PIEZO2: variants seen among roughly 807,000 people sequenced by gnomAD.
PIEZO2 encodes piezo type mechanosensitive ion channel component 2, also known as piezo-type mechanosensitive ion channel component 2.
PIEZO2 carries 172 observed loss-of-function variants against 337.3 expected under a neutral mutation model. The observed-to-expected ratio is 0.51, with a 90% CI of 0.45 to 0.58. The LOEUF (loss-of-function observed/expected upper bound fraction) is 0.58. PIEZO2 is among the 20% of genes least tolerant of loss of function. The pLI is 0.00. For synonymous variants in PIEZO2, 1,251 were observed against 1,228.5 expected (o/e 1.02, Z -0.38); for missense variants, 3,028 against 3,391.3 (o/e 0.89, Z 2.66).
In PIEZO2 at chr18:10,726,433, G is replaced by A. The variant is rs1448204119; in HGVS notation, c.5029+4974C>T. ...TGGCACAACGCGGAGGGCCGGCTGC[G>A]GTACGGGCTACGGCCGGCGAACCCC... On this transcript the variant is annotated intron_variant, in intron 36 of 55. Transcript: ENST00000674853. This position sits in a 1 kb window ranked among gnomAD's most constrained non-coding sequence, Gnocchi z 5.9. 1.5e-5 allele frequency: 23 copies of A among 1,530,274 alleles called. No homozygotes were observed. In the East Asian group the frequency reaches 5.1e-4, roughly 34 times the overall value. The allele number at this position is 1,530,274 out of a possible 1,614,324, so 94.8% of individuals were successfully genotyped here. A position where few individuals can be genotyped will look rare whatever the true frequency, so the allele number is the denominator to read the frequency against.
At chr18:10,914,080 C>G (rs188701427) in intron 3 of PIEZO2, among the ~76,000 whole-genome samples, 1 of 152,202 alleles carries the variant, frequency 6.6e-6, no homozygotes, top group African/African-American at 2.4e-5. Context: ...TTCTGGCAGC[C>G]CATTATTCAG....
At chr18:10,860,745 A>G (rs58308307) in intron 5 of PIEZO2, among the ~76,000 whole-genome samples, 45,447 of 152,150 alleles carry the variant, frequency 0.3, 6,952 homozygotes, top group African/African-American at 0.38. Context: ...ATGTGTTCTT[A>G]TTCAATTATA....
chr18:10,849,289 G>A (rs1454610337), intron 7 of PIEZO2, among the ~76,000 whole-genome samples: 1 of 152,206 alleles, frequency 6.6e-6, no homozygotes, highest in Non-Finnish European at 1.5e-5. Flanking sequence ...TGAGATTACA[G>A]GCTTGGGCCA....
intron 36 of PIEZO2, among the ~76,000 whole-genome samples, chr18:10,718,588 T>C (rs2036111791): frequency 6.6e-6 from 1 of 152,252 alleles, no homozygotes; most frequent in South Asian, 2.1e-4. Flanking sequence ...GAATAGTATT[T>C]GGTGCATGTG....
rs902694651 is a variant in PIEZO2 at position 10,775,703 on chromosome 18, A to T, written c.2535-1665T>A. 1.3e-5 allele frequency among the ~76,000 whole-genome samples: 2 copies of T among 152,220 alleles called. No individual in the cohort carries two copies. The highest frequency in any genetic ancestry group is 4.8e-5 in the African/African-American group (2 of 41,458). ...TGCATTGAGGAGAGATCGTTCAATG[A>T]AAGAATCAGAGGAAGACACTGGAGT... On this transcript the variant is annotated intron_variant, in intron 18 of 55. Transcript: ENST00000674853. The surrounding 1 kb of genome is among the most constrained non-coding windows in gnomAD (Gnocchi z 4.3).
intron 4 of PIEZO2, among the ~76,000 whole-genome samples, chr18:10,907,443 C>CA (rs147285429): frequency 0.019 from 2,624 of 140,322 alleles, 28 homozygotes; most frequent in Non-Finnish European, 0.027. Context: ...GACTCTGTCT[C>CA]AAAAAAAAAA....
At position 11,028,837 on chromosome 18, in the gene PIEZO2, T is replaced by G. The variant is rs2036630217; in HGVS notation, c.160+37290A>C. ...GCTTGGTACTCTATATAATACCTATTGACTCACTTCTTCAGCAAATATTCA... is the reference window on the plus strand; with the variant it reads ...GCTTGGTACTCTATATAATACCTATGGACTCACTTCTTCAGCAAATATTCA... On this transcript the variant is annotated intron_variant, in intron 2 of 55. Transcript: ENST00000674853. This position sits in a 1 kb window ranked among gnomAD's most constrained non-coding sequence, Gnocchi z 4.8. Among the ~76,000 whole-genome samples the G allele has an allele frequency of 6.6e-6, 1 of 152,178 alleles. No individual in the cohort carries two copies. Among genetic ancestry groups the G allele is most frequent in the Non-Finnish European group, 1.5e-5 (1 of 68,026 alleles).
rs1598788793 is a variant in PIEZO2, at chr18:10,988,139, A to G, written c.161-8479T>C. On this transcript the variant is annotated intron_variant, in intron 2 of 55. Transcript: ENST00000674853. This position sits in a 1 kb window ranked among gnomAD's most constrained non-coding sequence, Gnocchi z 4.8. ...CAGGTATAAGATTAGGGTCTCTATA[A>G]GTGTTGAGAAAATGTATTCATTCCC... Among the ~76,000 whole-genome samples, 1 of 152,048 alleles carries G rather than the reference A, an allele frequency of 6.6e-6. No homozygotes were observed. Among genetic ancestry groups the G allele is most frequent in the African/African-American group, 2.4e-5 (1 of 41,334 alleles).
rs1004900325 is a variant in PIEZO2, at chr18:11,047,232, C to T, written c.160+18895G>A. ...TCTCAGAGAATGGACGCAAACTTGT[C>T]CGAGCTGTTGGATGGTCAGCTAAGG... On this transcript the variant is annotated intron_variant, in intron 2 of 55. Coordinates refer to ENST00000674853, the MANE Select transcript of PIEZO2 (RefSeq NM_001378183.1). The surrounding 1 kb of genome is among the most constrained non-coding windows in gnomAD (Gnocchi z 7.2). Among the ~76,000 whole-genome samples, 1 of 152,136 alleles carries T rather than the reference C, an allele frequency of 6.6e-6. No homozygotes were observed. Among genetic ancestry groups the T allele is most frequent in the African/African-American group, 2.4e-5 (1 of 41,442 alleles).
intron 14 of PIEZO2, among the ~76,000 whole-genome samples, chr18:10,789,736 C>T (rs2039348232): frequency 6.6e-6 from 1 of 152,118 alleles, no homozygotes; most frequent in Admixed American, 6.5e-5. Context: ...TGGCTCTAGA[C>T]AATCCAAATA....
In PIEZO2 at chr18:10,719,964, A is replaced by C. The variant is rs373367290; in HGVS notation, c.5030-1705T>G. On this transcript the variant is annotated intron_variant, in intron 36 of 55. Transcript: ENST00000674853. ...ATAGACCCAGGGATGAGGCTAGAAC[A>C]TTTATAATTTGGTGTTGATGCTGTC... Among the ~76,000 whole-genome samples, 3 of 152,046 alleles carry C rather than the reference A, an allele frequency of 2.0e-5. No individual in the cohort carries two copies. In the East Asian group the frequency reaches 5.8e-4, roughly 29 times the overall value.
intron 5 of PIEZO2, among the ~76,000 whole-genome samples, chr18:10,867,445 C>T (rs2042034795): frequency 6.6e-6 from 1 of 152,120 alleles, no homozygotes; most frequent in African/African-American, 2.4e-5. Flanking sequence ...CTTTGAGGTC[C>T]AGAATAAATT....
intron 2 of PIEZO2, among the ~76,000 whole-genome samples, chr18:11,058,008 A>T (rs770379773): frequency 6.6e-6 from 1 of 152,208 alleles, no homozygotes; most frequent in African/African-American, 2.4e-5. Context: ...TGAGAGCAAA[A>T]CAGTGGATAG....
intron 2 of PIEZO2, among the ~76,000 whole-genome samples, chr18:10,995,082 A>G (rs868325431): frequency 4.1e-4 from 53 of 128,140 alleles, no homozygotes; most frequent in African/African-American, 1.5e-3. Context: ...CGTCTCAAAA[A>G]AAAAAAAAAA....
chr18:10,989,785 A>T (rs993304221), intron 2 of PIEZO2, among the ~76,000 whole-genome samples: 1 of 152,154 alleles, frequency 6.6e-6, no homozygotes, highest in African/African-American at 2.4e-5. Context: ...ATCACAAATG[A>T]ATGACATTTT....
At chr18:10,933,268 T>C (rs1249845060) in intron 3 of PIEZO2, among the ~76,000 whole-genome samples, 1 of 152,230 alleles carries the variant, frequency 6.6e-6, no homozygotes, top group Non-Finnish European at 1.5e-5. Flanking sequence ...CTAATGACAA[T>C]TGAACTGAAC....
chr18:10,983,261 A>G (rs2034738212), intron 2 of PIEZO2, among the ~76,000 whole-genome samples: 1 of 152,174 alleles, frequency 6.6e-6, no homozygotes, highest in Non-Finnish European at 1.5e-5. Context: ...ACCCATGGAC[A>G]TGAATATTTT....
chr18:10,703,556 GAAGT>G lies in PIEZO2; in HGVS notation c.6258+834_6258+837del, dbSNP rs149289050. On this transcript the variant is annotated intron_variant, in intron 42 of 55. Transcript: ENST00000674853. ...ATCTAGCATGAGCACTGTCATTTAAGAAGTAATTACAGCACTGTTGAAAGTGACA... is the reference window on the plus strand; with the variant it reads ...ATCTAGCATGAGCACTGTCATTTAAGAATTACAGCACTGTTGAAAGTGACA... Among the ~76,000 whole-genome samples, 1,183 of 152,314 alleles carry G rather than the reference GAAGT, an allele frequency of 7.8e-3. 23 individuals carry two copies. The highest frequency in any genetic ancestry group is 0.026 in the African/African-American group (1,091 of 41,556).
intron 27 of PIEZO2, among the ~76,000 whole-genome samples, chr18:10,753,930 T>C (rs1406653744): frequency 6.6e-6 from 1 of 152,232 alleles, no homozygotes; most frequent in Non-Finnish European, 1.5e-5. Context: ...AGTATCTCCC[T>C]GTAACCCTAG....
Sources: gnomAD v4.1 joint callset for allele counts (sites outside exome capture counted in the v4.1 genomes callset) on GRCh38, gnomAD v4.1.1 for gene constraint, Gnocchi (gnomAD v3.1) non-coding constraint, MANE v1.5 for transcripts, NCBI Gene and HGNC (gene_info 2026-07-23, HGNC 2026-07-21) for gene names.